The following ZNF106 variants were observed in gnomAD, a reference collection of about 807,000 sequenced individuals.
The protein encoded by ZNF106 is SH3-domain binding protein 3.
In ZNF106, 67 loss-of-function variants were observed where a neutral mutation model predicts 195.1. The observed-to-expected ratio is 0.34, with a 90% CI of 0.28 to 0.42. The LOEUF is 0.42. Ranked by LOEUF, ZNF106 falls within the 10% of genes least tolerant of loss-of-function variation. The pLI, the probability that ZNF106 is intolerant of heterozygous loss-of-function variation, is 1.00. For synonymous variants in ZNF106, 784 were observed against 818.6 expected, an observed-to-expected ratio of 0.96 and a Z score of 0.72; for missense variants, 2,118 against 2,304.5, an observed-to-expected ratio of 0.92 and a Z score of 1.66.
intron 3 of ZNF106, among the ~76,000 whole-genome samples, chr15:42,458,724 A>C (rs1019113080): frequency 6.6e-6 from 1 of 151,714 alleles, no homozygotes; most frequent in Non-Finnish European, 1.5e-5. Flanking sequence ...ACAAAAGAAA[A>C]AAAAAAACAA....
chr15:42,444,760 G>A, intron 8 of ZNF106, 67 bp downstream of exon 8: 1 of 1,586,240 alleles, frequency 6.3e-7, no homozygotes, highest in South Asian at 1.2e-5. Flanking sequence ...TCCAGACATG[G>A]GTTTGGCAGC....
At chr15:42,476,629 A>C (rs141718965) in intron 1 of ZNF106, among the ~76,000 whole-genome samples, 1 of 152,194 alleles carries the variant, frequency 6.6e-6, no homozygotes, top group Non-Finnish European at 1.5e-5. Context: ...TACATTTAGT[A>C]ATCTTTATCC....
At position 42,413,973 on chromosome 15, in the gene ZNF106, G is replaced by A. The variant is rs192224396; in HGVS notation, c.*3331C>T. On this transcript the variant is annotated 3_prime_UTR_variant, in exon 22 of 22. Transcript: ENST00000564754. The stretch of plus-strand genomic sequence containing the variant: ...GAAGTGACTGATACTTTATCACAAC[G>A]AACTGCCATTTAAACACTAGCATAG... 6.6e-5 allele frequency: 10 copies of A among 152,228 alleles called. No homozygotes were observed. Among genetic ancestry groups the A allele is most frequent in the Admixed American group, 3.9e-4 (6 of 15,298 alleles). The allele number at this position is 152,228 out of a possible 1,614,324, so 9.4% of individuals were successfully genotyped here.
In ZNF106 at chr15:42,421,041, G is replaced by A; in HGVS notation, c.5517+20C>T. ...AGCAACCTATAGAAGTCCAGTGACA[G>A]GAAGAGTTTCACTCCTTACCCAACA... On this transcript the variant is annotated intron_variant, in intron 20 of 21. Transcript: ENST00000564754. The A allele has an allele frequency of 6.2e-7, 1 of 1,612,418 alleles. No individual in the cohort carries two copies. The highest frequency in any genetic ancestry group is 8.5e-7 in the Non-Finnish European group (1 of 1,178,510).
chr15:42,444,707 A>G, intron 8 of ZNF106, 120 bp downstream of exon 8: 5 of 1,285,270 alleles, frequency 3.9e-6, no homozygotes, highest in Non-Finnish European at 3.2e-6. Context: ...AGTCTGGGGC[A>G]CTTCCCTTGT....
Position 42,429,771 on chromosome 15 carries a change from T to C in ZNF106, c.4882-1637A>G, listed in dbSNP as rs139828418. The stretch of plus-strand genomic sequence containing the variant: ...TCCTATGAGATCTTTTGTAACTTTA[T>C]AGGGGAAATTGAACATTACATAGCA... On this transcript the variant is annotated intron_variant, in intron 14 of 21. Transcript: ENST00000564754. 3.4e-4 allele frequency among the ~76,000 whole-genome samples: 52 copies of C among 152,132 alleles called. 1 individual carries two copies. The East Asian group carries it at 6.0e-3, about 17-fold the overall frequency.
At chr15:42,475,770 T>A (rs887909650) in intron 1 of ZNF106, among the ~76,000 whole-genome samples, 1 of 152,194 alleles carries the variant, frequency 6.6e-6, no homozygotes, top group Non-Finnish European at 1.5e-5. Flanking sequence ...GTTGGAGAAA[T>A]TGGTAAAGAT....
At chr15:42,477,702 C>A (rs866434663) in intron 1 of ZNF106, among the ~76,000 whole-genome samples, 2 of 152,076 alleles carry the variant, frequency 1.3e-5, no homozygotes, top group Non-Finnish European at 2.9e-5. Flanking sequence ...CCAGCGTGAC[C>A]AACATGGTGA....
intron 3 of ZNF106, among the ~76,000 whole-genome samples, chr15:42,461,651 T>C (rs893719832): frequency 6.6e-6 from 1 of 152,220 alleles, no homozygotes; most frequent in African/African-American, 2.4e-5. Context: ...TAAGACCAGT[T>C]ACTTATTGCT....
At chr15:42,434,985 C>G (rs2141300416) in intron 14 of ZNF106, among the ~76,000 whole-genome samples, 1 of 152,186 alleles carries the variant, frequency 6.6e-6, no homozygotes, top group Non-Finnish European at 1.5e-5. Context: ...GTTGGTCAGG[C>G]TGGTCTCAAA....
At chr15:42,457,916 G>GT (rs1378058179) in intron 3 of ZNF106, among the ~76,000 whole-genome samples, 1 of 152,040 alleles carries the variant, frequency 6.6e-6, no homozygotes, top group Non-Finnish European at 1.5e-5. Flanking sequence ...GCTTTGTTTT[G>GT]TTTTTTTACT....
Position 42,449,845 on chromosome 15 carries a change from C to T in ZNF106, c.2427G>A (p.Arg809=). 1 of 1,614,174 alleles carries T rather than the reference C, an allele frequency of 6.2e-7. No individual in the cohort carries two copies. The highest frequency in any genetic ancestry group is 8.5e-7 in the Non-Finnish European group (1 of 1,180,022). Reference sequence around the variant, plus strand: ...TGACCTGTTCCCAGTTGACATTTCTCCGAGATGCATTTAGAATCTGCCGTA... The same window carrying T: ...TGACCTGTTCCCAGTTGACATTTCTTCGAGATGCATTTAGAATCTGCCGTA... ...PTLRQILNAS[R]RNVNWEQVIQ... The change falls in exon 5 of 22, where the codon CGG becomes CGA. Residue 809 remains arginine, a synonymous_variant. Coordinates refer to ENST00000564754, the MANE Select transcript of ZNF106 (RefSeq NM_001366845.3).
intron 12 of ZNF106, among the ~76,000 whole-genome samples, chr15:42,437,902 C>CAAAA (rs35756160): frequency 2.5e-5 from 2 of 81,082 alleles, no homozygotes; most frequent in Admixed American, 1.5e-4. Context: ...GACTCCGTCT[C>CAAAA]AAAAAAAAAA....
intron 3 of ZNF106, chr15:42,457,636 G>A: frequency 2.9e-6 from 2 of 689,094 alleles, no homozygotes; most frequent in Non-Finnish European, 3.6e-6. Flanking sequence ...CCAATCCCAA[G>A]TCGGTAACTA....
At chr15:42,484,795 C>T (rs1303096514) in intron 1 of ZNF106, among the ~76,000 whole-genome samples, 1 of 152,060 alleles carries the variant, frequency 6.6e-6, no homozygotes, top group African/African-American at 2.4e-5. Context: ...TAGTGACCAA[C>T]TCAATAATCT....
rs2054363973 is a variant in ZNF106 at position 42,414,215 on chromosome 15, G to A, written c.*3089C>T. Reference sequence around the variant, plus strand: ...CATAGCTCTTCTCTGAGGGGAAACAGGGTTATAATCAGTCACAACATTGTG... The same window carrying A: ...CATAGCTCTTCTCTGAGGGGAAACAAGGTTATAATCAGTCACAACATTGTG... On this transcript the variant is annotated 3_prime_UTR_variant, in exon 22 of 22. Transcript: ENST00000564754. The A allele has an allele frequency of 6.6e-6, 1 of 152,168 alleles. No individual in the cohort carries two copies. The highest frequency in any genetic ancestry group is 2.4e-5 in the African/African-American group (1 of 41,434). 9.4% of individuals were successfully genotyped at this position (152,168 alleles called of 1,614,324 possible). A position where few individuals can be genotyped will look rare whatever the true frequency, so the allele number is the denominator to read the frequency against.
chr15:42,437,188 C>T lies in ZNF106; in HGVS notation c.4746+44G>A, dbSNP rs372491436. The T allele has an allele frequency of 1.9e-5, 30 of 1,574,346 alleles. No individual in the cohort carries two copies. In the African/African-American group the frequency reaches 3.3e-4, roughly 17 times the overall value. ...TTAAAAAAGTATAAACTGGATTTTC[C>T]AAAACCTGCAACCAAAAACATTCTA... On this transcript the variant is annotated intron_variant, in intron 13 of 21. Coordinates refer to ENST00000564754, the MANE Select transcript of ZNF106 (RefSeq NM_001366845.3).
rs550279991 is a variant in ZNF106, at chr15:42,450,285, T to A, written c.1987A>T (p.Thr663Ser). The change falls in exon 5 of 22, where the codon ACT (threonine) becomes TCT (serine). Residue 663 changes from threonine (T) to serine (S), a missense_variant. Physicochemically the swap from Thr to Ser is moderately conservative, Grantham distance 58. Coordinates refer to ENST00000564754, the MANE Select transcript of ZNF106 (RefSeq NM_001366845.3). ...CGAACTATGGGATTACATGGGGAAG[T>A]GGATAGCTCTCTAGAAGTCTTCAGG... ...RILKTSRELS[T>S]SPCNPIVRQK... 1.2e-6 allele frequency: 2 copies of A among 1,614,064 alleles called. No individual in the cohort carries two copies. The highest frequency in any genetic ancestry group is 1.7e-6 in the Non-Finnish European group (2 of 1,180,036).
chr15:42,425,523 A>C, intron 15 of ZNF106: 1 of 154,364 alleles, frequency 6.5e-6, no homozygotes, highest in East Asian at 1.9e-4. Flanking sequence ...TTTTTTTGAG[A>C]CGGAGTCTCG....
Sources: gnomAD v4.1 joint callset for allele counts (sites outside exome capture counted in the v4.1 genomes callset) on GRCh38, gnomAD v4.1.1 for gene constraint, MANE v1.5 for transcripts, NCBI Gene and HGNC (gene_info 2026-07-23, HGNC 2026-07-21) for gene names.